The following NDST4 variants were observed in gnomAD, a reference collection of about 807,000 sequenced individuals.
The protein encoded by NDST4 is N-heparan sulfate sulfotransferase 4.
Under a neutral mutation model 100.8 loss-of-function variants are expected in NDST4, and 63 were observed. The observed-to-expected ratio is 0.62, with a 90% confidence interval of 0.51 to 0.77. The LOEUF is 0.77. Among genes scored for constraint, NDST4 ranks in the 30% least tolerant of loss-of-function variants. The pLI is 0.00. For missense variants in NDST4, 943 were observed against 1,018.4 expected, an observed-to-expected ratio of 0.93 and a Z score of 1.01; for synonymous variants, 377 against 361.8, an observed-to-expected ratio of 1.04 and a Z score of -0.48.
chr4:114,944,326 A>G (rs1007574896), intron 4 of NDST4, among the ~76,000 whole-genome samples: 1 of 152,132 alleles, frequency 6.6e-6, no homozygotes, highest in Non-Finnish European at 1.5e-5. Context: ...CCTTCAATCA[A>G]AGGTTAAAAC....
At chr4:114,944,897 C>T (rs537872730) in intron 4 of NDST4, among the ~76,000 whole-genome samples, 3 of 152,180 alleles carry the variant, frequency 2.0e-5, no homozygotes, top group South Asian at 4.2e-4. Flanking sequence ...AGGAGACGCG[C>T]CACACCACAG....
intron 7 of NDST4, among the ~76,000 whole-genome samples, chr4:114,868,310 C>T (rs542920265): frequency 7.2e-5 from 11 of 152,108 alleles, no homozygotes; most frequent in East Asian, 1.9e-4. Context: ...TACCAAGTAA[C>T]GCTGGTTTTT....
chr4:114,959,343 C>G (rs1726209356), intron 4 of NDST4, among the ~76,000 whole-genome samples: 1 of 151,310 alleles, frequency 6.6e-6, no homozygotes, highest in Non-Finnish European at 1.5e-5. Context: ...ACTGTATTAG[C>G]TCATTTTCAT....
At chr4:115,103,596 C>T (rs114755286) in intron 1 of NDST4, among the ~76,000 whole-genome samples, 2,565 of 152,090 alleles carry the variant, frequency 0.017, 57 homozygotes, top group African/African-American at 0.058. Context: ...CTTAATTTTA[C>T]GCAACACACA....
chr4:115,005,815 T>G (rs1301671970), intron 2 of NDST4, among the ~76,000 whole-genome samples: 1 of 151,424 alleles, frequency 6.6e-6, no homozygotes, highest in East Asian at 1.9e-4. Context: ...GGTGGAAGAC[T>G]TGAGGTCAGG....
chr4:115,084,230 G>T (rs962893703), intron 1 of NDST4, among the ~76,000 whole-genome samples: 1 of 152,176 alleles, frequency 6.6e-6, no homozygotes, highest in African/African-American at 2.4e-5. Flanking sequence ...ACTGGGCCCT[G>T]CCCTAGAGAG....
chr4:115,039,298 G>C (rs933828615), intron 2 of NDST4, among the ~76,000 whole-genome samples: 1 of 152,118 alleles, frequency 6.6e-6, no homozygotes, highest in African/African-American at 2.4e-5. Flanking sequence ...CCTTAGAAGA[G>C]CTGCTAGAGC....
chr4:114,830,250 T>C (rs939329934), intron 12 of NDST4, among the ~76,000 whole-genome samples: 4 of 152,218 alleles, frequency 2.6e-5, no homozygotes, highest in Non-Finnish European at 5.9e-5. Context: ...TTTATTTACT[T>C]ATGGATGTGA....
At chr4:115,031,805 T>C (rs1728122814) in intron 2 of NDST4, among the ~76,000 whole-genome samples, 2 of 151,956 alleles carry the variant, frequency 1.3e-5, no homozygotes, top group South Asian at 4.1e-4. Context: ...GGGCTAAGAG[T>C]CTATCTGCCA....
At chr4:114,874,569 T>G (rs1029866888) in intron 6 of NDST4, among the ~76,000 whole-genome samples, 2 of 152,182 alleles carry the variant, frequency 1.3e-5, no homozygotes, top group Non-Finnish European at 2.9e-5. Context: ...TGGTTGCACT[T>G]TAAGAAAAAC....
intron 1 of NDST4, among the ~76,000 whole-genome samples, chr4:115,084,598 C>G (rs1261825170): frequency 2.0e-5 from 3 of 152,130 alleles, no homozygotes. Flanking sequence ...GGATTTGGTG[C>G]CCCGTGCCTC....
At chr4:115,005,647 T>C (rs1560855095) in intron 2 of NDST4, among the ~76,000 whole-genome samples, 2 of 152,052 alleles carry the variant, frequency 1.3e-5, no homozygotes, top group Admixed American at 6.6e-5. Context: ...TTCAAACTAA[T>C]CTTAGGTATG....
intron 7 of NDST4, among the ~76,000 whole-genome samples, chr4:114,853,486 T>C (rs1391566774): frequency 3.9e-5 from 6 of 152,184 alleles, no homozygotes; most frequent in African/African-American, 1.4e-4. Context: ...CCAGTGCCAG[T>C]TTTTATTTCA....
intron 4 of NDST4, among the ~76,000 whole-genome samples, chr4:114,962,843 A>G (rs977578832): frequency 1.3e-5 from 2 of 152,088 alleles, no homozygotes; most frequent in African/African-American, 4.8e-5. Flanking sequence ...AAAGACCCAG[A>G]ATAGTCAAAA....
intron 6 of NDST4, among the ~76,000 whole-genome samples, chr4:114,928,638 T>A (rs2126222103): frequency 6.6e-6 from 1 of 152,202 alleles, no homozygotes. Context: ...ATGAGGGTGT[T>A]TTGGGATGAG....
intron 2 of NDST4, among the ~76,000 whole-genome samples, chr4:114,993,430 G>C (rs991958292): frequency 2.0e-5 from 3 of 151,856 alleles, no homozygotes; most frequent in Non-Finnish European, 2.9e-5. Flanking sequence ...TAGTTATAGA[G>C]GTAGTGCTGG....
chr4:115,076,586 C>G lies in NDST4; in HGVS notation c.451G>C (p.Glu151Gln). 1 of 1,613,916 alleles carries G rather than the reference C, an allele frequency of 6.2e-7. No individual in the cohort carries two copies. The highest frequency in any genetic ancestry group is 8.5e-7 in the Non-Finnish European group (1 of 1,179,932). The change falls in exon 2 of 14, where the codon GAA (glutamate) becomes CAA (glutamine). Residue 151 changes from glutamate (E) to glutamine (Q), a missense_variant. This residue lies in a region of NDST4 where 417 missense variants were observed against 384.2 expected (regional missense o/e 1.09). Coordinates refer to ENST00000264363, the MANE Select transcript of NDST4 (RefSeq NM_022569.3). ...ACACTGTATTCCACACAGTATTTTT[C>G]TAAAAGCTCTCGATTCCATGAGTCC... ...SMDSWNRELL[E>Q]KYCVEYSVSI...
chr4:115,061,675 G>A (rs370679563), intron 2 of NDST4, among the ~76,000 whole-genome samples: 1 of 151,876 alleles, frequency 6.6e-6, no homozygotes, highest in Non-Finnish European at 1.5e-5. Context: ...TAACGCATGC[G>A]GGGCTTAAAA....
At chr4:114,935,502 T>C (rs1384679776) in intron 5 of NDST4, among the ~76,000 whole-genome samples, 168 bp from the exon 6 acceptor site, 1 of 151,926 alleles carries the variant, frequency 6.6e-6, no homozygotes, top group Non-Finnish European at 1.5e-5. Context: ...ATTCTGTAAA[T>C]ATTAAGGGAG....
Sources: gnomAD v4.1 joint callset for allele counts (sites outside exome capture counted in the v4.1 genomes callset) on GRCh38, gnomAD v4.1.1 for gene constraint, gnomAD v4.1.1 regional missense constraint, MANE v1.5 for transcripts, NCBI Gene and HGNC (gene_info 2026-07-23, HGNC 2026-07-21) for gene names.